Variants in PLEKHA5 observed in about 807,000 individuals in gnomAD.
PLEKHA5 encodes pleckstrin homology domain-containing family A member 5.
A neutral mutation model predicts 181.9 loss-of-function variants in PLEKHA5; 55 were observed. The observed-to-expected ratio is 0.30, with a 90% CI of 0.24 to 0.38. The LOEUF (loss-of-function observed/expected upper bound fraction) is 0.38. Among genes scored for constraint, PLEKHA5 ranks in the 10% least tolerant of loss-of-function variants. The pLI is 1.00. For missense variants in PLEKHA5, 1,432 were observed against 1,549.5 expected (o/e 0.92, Z 1.27); for synonymous variants, 535 against 529.4 (o/e 1.01, Z -0.15).
At chr12:19,240,644 AT>A (rs903173915) in intron 3 of PLEKHA5, among the ~76,000 whole-genome samples, 22 of 147,574 alleles carry the variant, frequency 1.5e-4, no homozygotes, top group African/African-American at 2.7e-4. Context: ...TATTATTATT[AT>A]TTTTTTTTAA....
At chr12:19,308,897 G>A (rs370574423) in intron 15 of PLEKHA5, among the ~76,000 whole-genome samples, 3 of 147,176 alleles carry the variant, frequency 2.0e-5, no homozygotes, top group African/African-American at 7.7e-5. Flanking sequence ...AAACACAAAC[G>A]CACACACACA....
chr12:19,335,186 C>G lies in PLEKHA5; in HGVS notation c.2449-1329C>G, dbSNP rs376294833. Among the ~76,000 whole-genome samples the G allele has an allele frequency of 6.4e-3, 960 of 150,718 alleles. 8 individuals carry two copies. The highest frequency in any genetic ancestry group is 0.023 in the African/African-American group (928 of 41,116). On this transcript the variant is annotated intron_variant, in intron 20 of 31. Coordinates refer to ENST00000429027, the MANE Select transcript of PLEKHA5 (RefSeq NM_001256470.2). ...AGCTGGGACCACAGGCAAGCGCCAC[C>G]GCACCCAGAGAATTTTTGTATTTTT...
intron 3 of PLEKHA5, among the ~76,000 whole-genome samples, chr12:19,179,655 C>G (rs914323081): frequency 2.0e-5 from 3 of 151,924 alleles, no homozygotes; most frequent in Non-Finnish European, 2.9e-5. Flanking sequence ...AGATAAACTC[C>G]GTCTCAAAAA....
At chr12:19,180,045 GTCTT>G (rs2151827647) in intron 3 of PLEKHA5, among the ~76,000 whole-genome samples, 1 of 152,222 alleles carries the variant, frequency 6.6e-6, no homozygotes, top group African/African-American at 2.4e-5. Flanking sequence ...GTAAACAAAA[GTCTT>G]TCAGGCTGCT....
intron 15 of PLEKHA5, among the ~76,000 whole-genome samples, chr12:19,305,677 G>A (rs1565593356): frequency 6.6e-6 from 1 of 151,822 alleles, no homozygotes; most frequent in Non-Finnish European, 1.5e-5. Context: ...TGACTACCGT[G>A]GAGAAACCCC....
chr12:19,152,236 A>C (rs1231578346), intron 3 of PLEKHA5: 3 of 152,184 alleles, frequency 2.0e-5, no homozygotes, highest in African/African-American at 7.2e-5. Context: ...GCTGTTAGTC[A>C]TTTTGAAAGT....
At chr12:19,233,178 A>G (rs942601898) in intron 3 of PLEKHA5, among the ~76,000 whole-genome samples, 1 of 152,166 alleles carries the variant, frequency 6.6e-6, no homozygotes, top group Non-Finnish European at 1.5e-5. Context: ...TTAAGTCATG[A>G]ACAAATGGTA....
At position 19,296,882 on chromosome 12, in the gene PLEKHA5, A is replaced by G. The variant is rs114145304; in HGVS notation, c.2037+5185A>G. Among the ~76,000 whole-genome samples the G allele has an allele frequency of 5.9e-3, 891 of 152,302 alleles. 3 individuals are homozygous for G. Among genetic ancestry groups the G allele is most frequent in the African/African-American group, 0.02 (846 of 41,574 alleles). On this transcript the variant is annotated intron_variant, in intron 15 of 31. Transcript: ENST00000429027. Reference sequence around the variant, plus strand: ...GGGAAGTTGGAACGTGTTTCCCTCCATATTCCTCACGTCTATTTTAGCTTT... The same window carrying G: ...GGGAAGTTGGAACGTGTTTCCCTCCGTATTCCTCACGTCTATTTTAGCTTT...
At chr12:19,303,195 G>C (rs189063892) in intron 15 of PLEKHA5, among the ~76,000 whole-genome samples, 1 of 142,268 alleles carries the variant, frequency 7.0e-6, no homozygotes, top group African/African-American at 2.7e-5. Flanking sequence ...GTGAGTCACC[G>C]CATCCAGCCT....
At chr12:19,332,746 C>T (rs1461195501) in intron 20 of PLEKHA5, among the ~76,000 whole-genome samples, 1 of 152,210 alleles carries the variant, frequency 6.6e-6, no homozygotes, top group African/African-American at 2.4e-5. Flanking sequence ...TCACTGCAAC[C>T]TGCACCTCGC....
At chr12:19,238,765 C>CT (rs896030111) in intron 3 of PLEKHA5, among the ~76,000 whole-genome samples, 11 of 76,256 alleles carry the variant, frequency 1.4e-4, no homozygotes, top group Non-Finnish European at 1.9e-4. Flanking sequence ...ACTATTTCAA[C>CT]TTTTTTTTGT....
intron 28 of PLEKHA5, among the ~76,000 whole-genome samples, chr12:19,361,317 G>T (rs1311273332): frequency 6.6e-6 from 1 of 151,960 alleles, no homozygotes; most frequent in African/African-American, 2.4e-5. Context: ...CGAGTAGCTG[G>T]GACTACAGGC....
chr12:19,226,496 CAACTTTTTGAGCTA>C (rs1159184040), intron 3 of PLEKHA5, among the ~76,000 whole-genome samples: 3 of 151,994 alleles, frequency 2.0e-5, no homozygotes. Context: ...ATTTTGTGTC[CAACTTTTTGAGCTA>C]AACTGTTTTC....
chr12:19,191,541 C>T (rs2051120293), intron 3 of PLEKHA5, among the ~76,000 whole-genome samples: 1 of 152,112 alleles, frequency 6.6e-6, no homozygotes, highest in Non-Finnish European at 1.5e-5. Context: ...TGCCAAGAAC[C>T]AAAATATTCA....
At chr12:19,283,236 TAA>T in intron 11 of PLEKHA5, 42 bp from the exon 12 acceptor site, 70 of 1,193,060 alleles carry the variant, frequency 5.9e-5, no homozygotes, top group Non-Finnish European at 7.7e-5. Context: ...ATTTGGAAAA[TAA>T]CCCTCCTTCA....
At chr12:19,136,485 T>C (rs922223452) in intron 3 of PLEKHA5, among the ~76,000 whole-genome samples, 17 of 152,226 alleles carry the variant, frequency 1.1e-4, no homozygotes, top group South Asian at 4.1e-4. Flanking sequence ...GAAAATCTTA[T>C]ACGTTTGAGT....
chr12:19,303,150 G>A (rs1312940038), intron 15 of PLEKHA5, among the ~76,000 whole-genome samples: 2 of 151,568 alleles, frequency 1.3e-5, no homozygotes, highest in Admixed American at 1.3e-4. Flanking sequence ...TCGAACTCCT[G>A]AACTCAGGTG....
chr12:19,170,862 T>C (rs2151658566), intron 3 of PLEKHA5, among the ~76,000 whole-genome samples: 1 of 152,362 alleles, frequency 6.6e-6, no homozygotes, highest in Admixed American at 6.5e-5. Context: ...GTTGAATTAC[T>C]TGGGAGGATG....
intron 28 of PLEKHA5, 99 bp downstream of exon 28, chr12:19,359,645 C>G (rs2095123756): frequency 8.3e-7 from 1 of 1,208,492 alleles, no homozygotes; most frequent in Admixed American, 2.0e-5. Context: ...CTTTCAGTCA[C>G]AGAGTCCATA....
Sources: gnomAD v4.1 joint callset for allele counts (sites outside exome capture counted in the v4.1 genomes callset) on GRCh38, gnomAD v4.1.1 for gene constraint, MANE v1.5 for transcripts, NCBI Gene and HGNC (gene_info 2026-07-23, HGNC 2026-07-21) for gene names.